The following CADM2 variants were observed in gnomAD, a reference collection of about 807,000 sequenced individuals.
CADM2 encodes the protein immunoglobulin superfamily member 4D.
A neutral mutation model predicts 49.8 loss-of-function variants in CADM2; 12 were observed. The observed-to-expected ratio is 0.24, with a 90% CI of 0.15 to 0.39. CADM2 has a LOEUF of 0.39. CADM2 is among the 10% of genes least tolerant of loss of function. The pLI is 1.00. For synonymous variants in CADM2, 214 were observed against 175.4 expected (o/e 1.22, Z -1.74); for missense variants, 378 against 492.3 (o/e 0.77, Z 2.20).
intron 1 of CADM2, among the ~76,000 whole-genome samples, chr3:85,641,711 G>A (rs2064720136): frequency 6.6e-6 from 1 of 151,854 alleles, no homozygotes; most frequent in Non-Finnish European, 1.5e-5. Context: ...CAGATCACGA[G>A]GTCAGGAGAT....
intron 7 of CADM2, among the ~76,000 whole-genome samples, chr3:85,956,574 A>C (rs1724074502): frequency 6.6e-6 from 1 of 151,532 alleles, no homozygotes; most frequent in African/African-American, 2.4e-5. Flanking sequence ...AAGGATTTAG[A>C]TCAGTGTCAG....
intron 5 of CADM2, among the ~76,000 whole-genome samples, chr3:85,905,611 G>A (rs1041929272): frequency 2.6e-5 from 4 of 151,812 alleles, no homozygotes; most frequent in Admixed American, 1.3e-4. Flanking sequence ...TTCTGCAGAC[G>A]AAAGAAAGAA....
intron 1 of CADM2, among the ~76,000 whole-genome samples, chr3:85,552,113 G>T (rs1184235826): frequency 6.6e-6 from 1 of 151,950 alleles, no homozygotes; most frequent in Non-Finnish European, 1.5e-5. Context: ...CGTCATTTCT[G>T]GGATTCTAAA....
chr3:85,682,220 T>A (rs988557750), intron 1 of CADM2, among the ~76,000 whole-genome samples: 3 of 152,016 alleles, frequency 2.0e-5, no homozygotes, highest in African/African-American at 7.2e-5. Context: ...AATAAAGTGG[T>A]GAAATATTTG....
chr3:85,525,691 T>C (rs2061144674), intron 1 of CADM2, among the ~76,000 whole-genome samples: 1 of 152,164 alleles, frequency 6.6e-6, no homozygotes, highest in Non-Finnish European at 1.5e-5. Context: ...TCTTCTTATT[T>C]TGATGTGTCA....
intron 1 of CADM2, among the ~76,000 whole-genome samples, chr3:85,532,867 A>G (rs2061345596): frequency 6.6e-6 from 1 of 152,176 alleles, no homozygotes; most frequent in African/African-American, 2.4e-5. Flanking sequence ...ACATGGATGG[A>G]GCTGGAGGTC....
chr3:85,934,326 G>A (rs1720942978), intron 6 of CADM2, among the ~76,000 whole-genome samples: 1 of 152,002 alleles, frequency 6.6e-6, no homozygotes, highest in Admixed American at 6.6e-5. Flanking sequence ...CTCTGGAGAT[G>A]AAATTATATG....
chr3:86,014,486 G>C, intron 8 of CADM2: 1 of 1,521,828 alleles, frequency 6.6e-7, no homozygotes, highest in East Asian at 2.3e-5. Flanking sequence ...ATATTCAAAT[G>C]AAACTCCCTG....
At chr3:85,572,903 A>G (rs1459695443) in intron 1 of CADM2, among the ~76,000 whole-genome samples, 1 of 152,180 alleles carries the variant, frequency 6.6e-6, no homozygotes, top group Non-Finnish European at 1.5e-5. Flanking sequence ...ATACTCACAG[A>G]CACACCCCAA....
At chr3:85,861,699 A>G (rs1377505777) in intron 3 of CADM2, among the ~76,000 whole-genome samples, 3 of 152,152 alleles carry the variant, frequency 2.0e-5, no homozygotes, top group Non-Finnish European at 2.9e-5. Flanking sequence ...GAGAAATTCA[A>G]TGTAACAAAT....
At chr3:85,618,455 C>G (rs2063865008) in intron 1 of CADM2, among the ~76,000 whole-genome samples, 1 of 152,126 alleles carries the variant, frequency 6.6e-6, no homozygotes, top group Non-Finnish European at 1.5e-5. Flanking sequence ...TTTCGCATAT[C>G]TAACAAGGTA....
intron 1 of CADM2, among the ~76,000 whole-genome samples, chr3:85,697,839 A>C (rs1475219701): frequency 2.0e-5 from 3 of 152,212 alleles, no homozygotes; most frequent in Non-Finnish European, 4.4e-5. Flanking sequence ...TATAACACTT[A>C]TGTAAGCGGG....
intron 1 of CADM2, among the ~76,000 whole-genome samples, chr3:85,421,739 T>A (rs1482856364): frequency 6.6e-6 from 1 of 152,228 alleles, no homozygotes; most frequent in Non-Finnish European, 1.5e-5. Flanking sequence ...TATTGAGTAA[T>A]TGCTGTCTGT....
In CADM2 at chr3:85,761,367, C is replaced by CTTTTTTTTT. The variant is rs529447125; in HGVS notation, c.88+34834_88+34842dup. ...AAAACTGTTGATATACAACACAAAA[C>CTTTTTTTTT]TTTTTTTTTTTTTTTTTTTTTTTGG... On this transcript the variant is annotated intron_variant, in intron 2 of 9. Transcript: ENST00000383699. Among the ~76,000 whole-genome samples, 177 of 101,098 alleles carry CTTTTTTTTT rather than the reference C, an allele frequency of 1.8e-3. 14 individuals carry two copies. Among genetic ancestry groups the CTTTTTTTTT allele is most frequent in the African/African-American group, 8.1e-3 (170 of 20,876 alleles). 66.3% of individuals were successfully genotyped at this position (101,098 alleles called of 152,430 possible).
In CADM2 at chr3:85,838,913, C is replaced by T. The variant is rs147183941; in HGVS notation, c.238+36717C>T. On this transcript the variant is annotated intron_variant, in intron 3 of 9. Transcript: ENST00000383699. ...TACAGCTCAAAATGTAATTGAAAGC[C>T]TCTTACTGCAAATTCACTTAGGGGT... Among the ~76,000 whole-genome samples, 588 of 151,864 alleles carry T rather than the reference C, an allele frequency of 3.9e-3. 3 individuals carry two copies. Among genetic ancestry groups the T allele is most frequent in the African/African-American group, 0.014 (561 of 41,484 alleles).
intron 3 of CADM2, among the ~76,000 whole-genome samples, chr3:85,848,727 C>T (rs1011272778): frequency 6.6e-6 from 1 of 151,904 alleles, no homozygotes; most frequent in Admixed American, 6.6e-5. Context: ...TCCCTGAACC[C>T]GAATTTAAGA....
At chr3:85,876,947 A>G (rs1711942699) in intron 3 of CADM2, among the ~76,000 whole-genome samples, 1 of 152,190 alleles carries the variant, frequency 6.6e-6, no homozygotes, top group Admixed American at 6.5e-5. Flanking sequence ...AATCCAAAAT[A>G]CACGTTTGTA....
chr3:85,050,066 C>G (rs910594031), intron 1 of CADM2, among the ~76,000 whole-genome samples: 1 of 151,504 alleles, frequency 6.6e-6, no homozygotes, highest in Non-Finnish European at 1.5e-5. Context: ...TTATGGGGAC[C>G]CTGAGGCAGA....
intron 1 of CADM2, among the ~76,000 whole-genome samples, chr3:84,971,468 A>G (rs2031426669): frequency 6.6e-6 from 1 of 152,270 alleles, no homozygotes; most frequent in African/African-American, 2.4e-5. Context: ...GGTAAAACTA[A>G]TGGTGTTACC....
Sources: gnomAD v4.1 joint callset for allele counts (sites outside exome capture counted in the v4.1 genomes callset) on GRCh38, gnomAD v4.1.1 for gene constraint, MANE v1.5 for transcripts, NCBI Gene and HGNC (gene_info 2026-07-23, HGNC 2026-07-21) for gene names.